Variants in TXNL4A observed in about 807,000 individuals in gnomAD.
TXNL4A encodes thioredoxin like 4A, also known as thioredoxin-like protein 4A.
A neutral mutation model predicts 14.6 loss-of-function variants in TXNL4A; 17 were observed. That is an observed-to-expected ratio of 1.16 (90% confidence interval 0.80 to 1.74). The LOEUF is 1.74. TXNL4A is among the 40% of genes most tolerant of loss of function. The pLI, the probability that TXNL4A is intolerant of heterozygous loss-of-function variation, is 0.00. For synonymous variants in TXNL4A, 83 were observed against 70.6 expected, an observed-to-expected ratio of 1.18 and a Z score of -0.88; for missense variants, 74 against 195.2, an observed-to-expected ratio of 0.38 and a Z score of 3.70.
chr18:80,021,866 T>C (rs928248077), intron 1 of TXNL4A, among the ~76,000 whole-genome samples: 1 of 152,206 alleles, frequency 6.6e-6, no homozygotes, highest in African/African-American at 2.4e-5. Context: ...AGTATAACAG[T>C]TGTAGCCTGG....
chr18:80,026,649 T>C (rs529896347), intron 1 of TXNL4A, among the ~76,000 whole-genome samples: 1 of 152,340 alleles, frequency 6.6e-6, no homozygotes, highest in African/African-American at 2.4e-5. Flanking sequence ...AAAACAATCT[T>C]ACGTTTTAAG....
Position 80,011,688 on chromosome 18 carries a change from C to T in TXNL4A, c.-61+22163G>A, listed in dbSNP as rs1025627073. On this transcript the variant is annotated intron_variant, in intron 1 of 2. Transcript: ENST00000585474. The surrounding 1 kb of genome is among the most constrained non-coding windows in gnomAD (Gnocchi z 4.1). ...CCACAGGTGGCTCAGGGAGATAACA[C>T]TTCCTTGAAGCAATGGAGTATAATC... is the stretch of plus-strand genomic sequence containing the variant. 6.6e-6 allele frequency among the ~76,000 whole-genome samples: 1 copy of T among 152,148 alleles called. No individual in the cohort carries two copies. The highest frequency in any genetic ancestry group is 2.4e-5 in the African/African-American group (1 of 41,422).
chr18:79,981,563 T>C (rs1212980592), intron 1 of TXNL4A, among the ~76,000 whole-genome samples: 2 of 152,144 alleles, frequency 1.3e-5, no homozygotes, highest in Non-Finnish European at 2.9e-5. Context: ...TCCCAGCTAC[T>C]TGGGAGGCTG....
At chr18:79,975,612 G>A (rs2051366985) in intron 2 of TXNL4A, among the ~76,000 whole-genome samples, 1 of 152,140 alleles carries the variant, frequency 6.6e-6, no homozygotes, top group Non-Finnish European at 1.5e-5. Flanking sequence ...GGCCTCTATT[G>A]CCTCGAACAG....
chr18:79,988,107 G>A (rs1031161304), intron 1 of TXNL4A, 133 bp downstream of exon 1: 7 of 1,122,880 alleles, frequency 6.2e-6, no homozygotes, highest in Non-Finnish European at 8.1e-6. Context: ...AGCGAGGGGA[G>A]GAATCGCCTG....
chr18:80,012,061 A>G (rs962840475), intron 1 of TXNL4A, among the ~76,000 whole-genome samples: 40 of 152,208 alleles, frequency 2.6e-4, no homozygotes, highest in African/African-American at 9.6e-4. Flanking sequence ...CGCGCCTTTT[A>G]AACTCTTACT....
upstream of TXNL4A, among the ~76,000 whole-genome samples, chr18:79,992,553 G>A (rs2145095944): frequency 6.6e-6 from 1 of 152,236 alleles, no homozygotes; most frequent in South Asian, 2.1e-4. Context: ...GAAAAGTTAA[G>A]CTGGGAACTG....
chr18:80,014,561 C>G (rs1234310447), intron 1 of TXNL4A, among the ~76,000 whole-genome samples: 1 of 152,236 alleles, frequency 6.6e-6, no homozygotes, highest in Non-Finnish European at 1.5e-5. Context: ...TCTTGGGCAG[C>G]TCCACCCCTG....
At chr18:79,988,604 G>A (rs2051596580), upstream of TXNL4A, 1 of 398,586 alleles carries the variant, frequency 2.5e-6, no homozygotes, top group Non-Finnish European at 4.2e-6. Flanking sequence ...GACGGCATGC[G>A]CGCGCGCTAG....
At chr18:79,981,488 G>C (rs1041270187) in intron 1 of TXNL4A, among the ~76,000 whole-genome samples, 4 of 152,064 alleles carry the variant, frequency 2.6e-5, no homozygotes, top group Non-Finnish European at 5.9e-5. Flanking sequence ...CCTGGCCAAC[G>C]TGGTGCAACC....
intron 1 of TXNL4A, among the ~76,000 whole-genome samples, chr18:80,017,206 T>G (rs1468486462): frequency 2.0e-5 from 3 of 152,112 alleles, no homozygotes; most frequent in Non-Finnish European, 2.9e-5. Flanking sequence ...TTTTGTACAT[T>G]GATTTTGTAT....
chr18:80,024,595 C>T (rs1273465770), intron 1 of TXNL4A, among the ~76,000 whole-genome samples: 1 of 152,182 alleles, frequency 6.6e-6, no homozygotes, highest in Non-Finnish European at 1.5e-5. Flanking sequence ...ACCTTGCTTC[C>T]CTCAGCCTTC....
At position 79,993,601 on chromosome 18, in the gene TXNL4A, T is replaced by C. The variant is rs1031573783; in HGVS notation, c.-60-15900A>G. On this transcript the variant is annotated intron_variant, in intron 1 of 2. Transcript: ENST00000585474. The surrounding 1 kb of genome is among the most constrained non-coding windows in gnomAD (Gnocchi z 4.4). ...GCTTAGCTGTTTTGTTGTTTCCGTC[T>C]TGTTGGGTTGTGTGTGTTGGGTTGT... is the stretch of plus-strand genomic sequence containing the variant. Among the ~76,000 whole-genome samples the C allele has an allele frequency of 1.3e-5, 2 of 152,090 alleles. No homozygotes were observed. Among genetic ancestry groups the C allele is most frequent in the African/African-American group, 2.4e-5 (1 of 41,442 alleles).
chr18:79,999,681 G>A (rs1321602247), intron 1 of TXNL4A, among the ~76,000 whole-genome samples: 1 of 152,078 alleles, frequency 6.6e-6, no homozygotes, highest in Non-Finnish European at 1.5e-5. Context: ...ATTTGAGCCA[G>A]CCCCAATCCA....
At chr18:80,010,436 CA>C (rs1203212581) in intron 1 of TXNL4A, among the ~76,000 whole-genome samples, 1 of 152,144 alleles carries the variant, frequency 6.6e-6, no homozygotes, top group Non-Finnish European at 1.5e-5. Context: ...TAGCCTGGCC[CA>C]GGACCTATTA....
chr18:80,003,019 G>A (rs1279475846), intron 1 of TXNL4A, among the ~76,000 whole-genome samples: 2 of 152,222 alleles, frequency 1.3e-5, no homozygotes, highest in Admixed American at 6.5e-5. Context: ...CTGCTGGGAA[G>A]GGGGCCTGTT....
Position 79,973,921 on chromosome 18 carries a change from C to G in TXNL4A, c.258-65G>C, listed in dbSNP as rs998630372. On this transcript the variant is annotated intron_variant, in intron 2 of 2. Coordinates refer to ENST00000269601, the MANE Select transcript of TXNL4A (RefSeq NM_006701.5). Reference sequence around the variant, plus strand: ...TCTTTAAAAAAGAATTCCTTGAAAACAATGCCGTATTTTTCCCACTGTGAC... The same window carrying G: ...TCTTTAAAAAAGAATTCCTTGAAAAGAATGCCGTATTTTTCCCACTGTGAC... 7 of 1,580,150 alleles carry G rather than the reference C, an allele frequency of 4.4e-6. No homozygotes were observed. In the South Asian group the frequency reaches 4.6e-5, roughly 10 times the overall value.
At position 79,988,233 on chromosome 18, in the gene TXNL4A, G is replaced by C. The variant is rs749426355; in HGVS notation, c.153+7C>G. ...AGCCCGCAGAGCGGGAGAGTCCGGCGCGCTACCTTCTCGGCGATGCTGTAC... is the reference window on the plus strand; with the variant it reads ...AGCCCGCAGAGCGGGAGAGTCCGGCCCGCTACCTTCTCGGCGATGCTGTAC... On this transcript the variant is annotated splice_region_variant and intron_variant, in intron 1 of 2. Coordinates refer to ENST00000269601, the MANE Select transcript of TXNL4A (RefSeq NM_006701.5). 1.3e-6 allele frequency: 2 copies of C among 1,529,026 alleles called. No individual in the cohort carries two copies. The highest frequency in any genetic ancestry group is 1.4e-5 in the African/African-American group (1 of 72,640). The allele number at this position is 1,529,026 out of a possible 1,614,324, so 94.7% of individuals were successfully genotyped here. A position where few individuals can be genotyped will look rare whatever the true frequency, so the allele number is the denominator to read the frequency against.
At chr18:80,028,379 T>C (rs1325572947) in intron 1 of TXNL4A, among the ~76,000 whole-genome samples, 2 of 150,152 alleles carry the variant, frequency 1.3e-5, no homozygotes, top group African/African-American at 4.9e-5. Context: ...CCGGTCAGCC[T>C]CTTATCAAAT....
Sources: allele counts gnomAD v4.1 joint callset (sites outside exome capture counted in the v4.1 genomes callset), GRCh38; gene constraint gnomAD v4.1.1; non-coding constraint Gnocchi (gnomAD v3.1); transcripts MANE v1.5; gene names NCBI Gene and HGNC (gene_info 2026-07-23, HGNC 2026-07-21).